COQ4: variants seen among roughly 807,000 people sequenced by gnomAD.
COQ4 encodes the protein coenzyme Q4.
Under a neutral mutation model 30.2 loss-of-function variants are expected in COQ4, and 36 were observed. The observed-to-expected ratio is 1.19, with a 90% CI of 0.91 to 1.57. The LOEUF (loss-of-function observed/expected upper bound fraction) is 1.57. COQ4 is among the 40% of genes most tolerant of loss of function. The pLI, the probability that COQ4 is intolerant of heterozygous loss-of-function variation, is 0.00. For synonymous variants in COQ4, 197 were observed against 161.0 expected, an observed-to-expected ratio of 1.22 and a Z score of -1.69; for missense variants, 369 against 371.9, an observed-to-expected ratio of 0.99 and a Z score of 0.07.
chr9:128,322,946 C>T lies in COQ4; in HGVS notation c.70+18C>T. ...TGCGGCAGGCAAGTGGCGCCGGGTT[C>T]TGGGCGCAGGCGGGAAGGAGCCTGA... is the stretch of plus-strand genomic sequence containing the variant. On this transcript the variant is annotated intron_variant, in intron 1 of 6. Coordinates refer to ENST00000300452, the MANE Select transcript of COQ4 (RefSeq NM_016035.5). 3 of 1,604,054 alleles carry T rather than the reference C, an allele frequency of 1.9e-6. No individual in the cohort carries two copies. The highest frequency in any genetic ancestry group is 2.5e-6 in the Non-Finnish European group (3 of 1,178,718).
chr9:128,327,149 T>G (rs1177770952), intron 4 of COQ4, among the ~76,000 whole-genome samples: 1 of 152,108 alleles, frequency 6.6e-6, no homozygotes, highest in East Asian at 1.9e-4. Context: ...TAAAATAGTT[T>G]TTAAAAATTT....
chr9:128,332,086 G>C (rs755834158), intron 4 of COQ4, 67 bp from the exon 5 acceptor site: 17 of 1,524,868 alleles, frequency 1.1e-5, no homozygotes, highest in Non-Finnish European at 1.5e-5. Flanking sequence ...CGGTGTCAGA[G>C]ACAGACTGGC....
At chr9:128,332,782 T>A in intron 5 of COQ4, 68 bp from the exon 6 acceptor site, 1 of 1,155,340 alleles carries the variant, frequency 8.7e-7, no homozygotes, top group Non-Finnish European at 1.3e-6. Context: ...CTCTTTACCC[T>A]GCTGTGAGCA....
chr9:128,330,110 A>T (rs2131231067), intron 4 of COQ4, among the ~76,000 whole-genome samples: 1 of 152,114 alleles, frequency 6.6e-6, no homozygotes, highest in Non-Finnish European at 1.5e-5. Flanking sequence ...GTGGCTCACA[A>T]CTGTAATCCC....
intron 4 of COQ4, chr9:128,326,154 T>A (rs1832317163): frequency 1.7e-6 from 1 of 573,348 alleles, no homozygotes; most frequent in African/African-American, 1.9e-5. Flanking sequence ...CACAACTCTG[T>A]CAAGTATGTT....
chr9:128,332,793 C>T, intron 5 of COQ4, 57 bp from the exon 6 acceptor site: 2 of 1,263,814 alleles, frequency 1.6e-6, no homozygotes, highest in African/African-American at 3.0e-5. Flanking sequence ...GCTGTGAGCA[C>T]CACTGGCCTT....
chr9:128,325,762 C>T lies in COQ4; in HGVS notation c.300-17C>T, dbSNP rs1393812548. ...CCTTTGCCCACACCCTCCCAATGCC[C>T]AAGTCTTGCCTTTCAGGGAGCGTCC... is the stretch of plus-strand genomic sequence containing the variant. On this transcript the variant is annotated splice_polypyrimidine_tract_variant and intron_variant, in intron 3 of 6. Transcript: ENST00000300452. 7 of 1,608,228 alleles carry T rather than the reference C, an allele frequency of 4.4e-6. No individual in the cohort carries two copies. Among genetic ancestry groups the T allele is most frequent in the Non-Finnish European group, 6.0e-6 (7 of 1,175,142 alleles).
At position 128,332,191 on chromosome 9, in the gene COQ4, G is replaced by A. The variant is rs923787087; in HGVS notation, c.441G>A (p.Val147=). The A allele has an allele frequency of 4.4e-6, 7 of 1,603,402 alleles. No homozygotes were observed. Among genetic ancestry groups the A allele is most frequent in the Non-Finnish European group, 5.1e-6 (6 of 1,175,190 alleles). ...SPDTRAPTRF[V]DDEELAYVIQ... ...ACACCCGAGCACCCACCCGCTTCGT[G>A]GATGATGAGGAGCTAGCGTATGTGA... Residue 147 remains valine, a synonymous_variant, in exon 5 of 7, where the codon GTG becomes GTA. Transcript: ENST00000300452.
chr9:128,329,846 C>T (rs549208494), intron 4 of COQ4, among the ~76,000 whole-genome samples: 3 of 152,288 alleles, frequency 2.0e-5, no homozygotes, highest in African/African-American at 2.4e-5. Flanking sequence ...GAAGACCAGG[C>T]TGTTCCCACT....
intron 4 of COQ4, among the ~76,000 whole-genome samples, chr9:128,328,062 G>C (rs146303794): frequency 1.3e-5 from 2 of 152,358 alleles, no homozygotes; most frequent in Admixed American, 6.5e-5. Flanking sequence ...TGAGTAGAGG[G>C]AATGGCAAGG....
In COQ4 at chr9:128,333,646, G is replaced by T. The variant is rs1487728679; in HGVS notation, c.*1G>T. The T allele has an allele frequency of 6.5e-7, 1 of 1,539,742 alleles. No individual in the cohort carries two copies. The highest frequency in any genetic ancestry group is 1.4e-5 in the African/African-American group (1 of 71,800). On this transcript the variant is annotated 3_prime_UTR_variant, in exon 7 of 7. Coordinates refer to ENST00000300452, the MANE Select transcript of COQ4 (RefSeq NM_016035.5). ...CATGCACGTCCAGGGCTTGGCCTGA[G>T]CTCCTGAGCCAGCGGGGCCTGGCCT... is the stretch of plus-strand genomic sequence containing the variant.
Position 128,325,899 on chromosome 9 carries a change from G to A in COQ4, c.402+18G>A. 6.2e-7 allele frequency: 1 copy of A among 1,603,488 alleles called. No individual in the cohort carries two copies. The highest frequency in any genetic ancestry group is 8.5e-7 in the Non-Finnish European group (1 of 1,170,388). ...ATGTGAACGTGAGTTTTCAGCTCCT[G>A]TGTATCTGGCAGTCACCAGACAGGA... On this transcript the variant is annotated intron_variant, in intron 4 of 6. Coordinates refer to ENST00000300452, the MANE Select transcript of COQ4 (RefSeq NM_016035.5).
intron 4 of COQ4, 67 bp downstream of exon 4, chr9:128,325,948 A>AC (rs1234128760): frequency 7.3e-7 from 1 of 1,378,918 alleles, no homozygotes; most frequent in African/African-American, 1.4e-5. Flanking sequence ...CAGGCATGAC[A>AC]CCCTGAGGAA....
In COQ4 at chr9:128,332,257, G is replaced by T. The variant is rs1464560528; in HGVS notation, c.507G>T (p.Leu169=). The stretch of plus-strand genomic sequence containing the variant: ...AGGTGCACGACATGCTTCACACCCT[G>T]CTGGGGATGCCCACCAACATCCTGG... ...YREVHDMLHT[L]LGMPTNILGE... is the part of the protein sequence containing the mutation. The change falls in exon 5 of 7, where the codon CTG becomes CTT. Residue 169 remains leucine, a synonymous_variant. Transcript: ENST00000300452. 1 of 1,613,174 alleles carries T rather than the reference G, an allele frequency of 6.2e-7. No homozygotes were observed. Among genetic ancestry groups the T allele is most frequent in the Non-Finnish European group, 8.5e-7 (1 of 1,179,870 alleles).
intron 4 of COQ4, among the ~76,000 whole-genome samples, chr9:128,328,833 G>C (rs895963372): frequency 2.6e-5 from 4 of 152,212 alleles, no homozygotes; most frequent in Non-Finnish European, 4.4e-5. Flanking sequence ...ATTTCCCCCA[G>C]TCTTTAGCCC....
At chr9:128,324,756 C>T (rs1443946526) in intron 2 of COQ4, among the ~76,000 whole-genome samples, 1 of 151,364 alleles carries the variant, frequency 6.6e-6, no homozygotes, top group Non-Finnish European at 1.5e-5. Flanking sequence ...CTCAAAAAAA[C>T]AAAACAAAAC....
chr9:128,323,487 G>A, intron 2 of COQ4: 1 of 457,180 alleles, frequency 2.2e-6, no homozygotes, highest in Non-Finnish European at 3.8e-6. Flanking sequence ...CGAGGTCGAG[G>A]ACCATGTCTG....
At chr9:128,332,499 A>G in intron 5 of COQ4, 1 of 605,814 alleles carries the variant, frequency 1.7e-6, no homozygotes, top group Non-Finnish European at 2.9e-6. Flanking sequence ...CCCATCTTCA[A>G]GGCTCCTGGT....
intron 2 of COQ4, among the ~76,000 whole-genome samples, chr9:128,324,002 G>C (rs1453605988): frequency 2.0e-5 from 3 of 150,486 alleles, no homozygotes; most frequent in East Asian, 2.0e-4. Context: ...GTTTTGTTTT[G>C]AGACACAGTA....
Sources: gnomAD v4.1 joint callset for allele counts (sites outside exome capture counted in the v4.1 genomes callset) on GRCh38, gnomAD v4.1.1 for gene constraint, MANE v1.5 for transcripts, NCBI Gene and HGNC (gene_info 2026-07-23, HGNC 2026-07-21) for gene names.